Variants in LRFN5 observed in about 807,000 individuals in gnomAD.
LRFN5 encodes the protein leucine rich repeat and fibronectin type III domain containing 5, also known as leucine-rich repeat and fibronectin type-III domain-containing protein 5.
A neutral mutation model predicts 45.6 loss-of-function variants in LRFN5; 24 were observed. The observed-to-expected ratio is 0.53, with a 90% confidence interval of 0.38 to 0.74. The LOEUF is 0.74. LRFN5 is among the 30% of genes least tolerant of loss of function. LRFN5 has a pLI of 0.00. For missense variants in LRFN5, 776 were observed against 861.5 expected, an observed-to-expected ratio of 0.90 and a Z score of 1.24; for synonymous variants, 340 against 313.8, an observed-to-expected ratio of 1.08 and a Z score of -0.88.
chr14:41,783,576 A>G (rs7154936), intron 2 of LRFN5, among the ~76,000 whole-genome samples: 6,410 of 152,076 alleles, frequency 0.042, 450 homozygotes, highest in African/African-American at 0.15. Flanking sequence ...TTCAATTTTG[A>G]CTAATACGGC....
intron 1 of LRFN5, among the ~76,000 whole-genome samples, chr14:41,652,101 A>C (rs976121603): frequency 6.6e-6 from 1 of 152,132 alleles, no homozygotes; most frequent in African/African-American, 2.4e-5. Context: ...AGGGGAGCAC[A>C]AACAAATTGA....
intron 1 of LRFN5, among the ~76,000 whole-genome samples, chr14:41,728,353 CA>C (rs1216098624): frequency 1.3e-5 from 2 of 152,082 alleles, no homozygotes; most frequent in African/African-American, 2.4e-5. Context: ...AATTGCTCAG[CA>C]AAAAAGTTTA....
chr14:41,661,916 T>G (rs778270493), intron 1 of LRFN5, among the ~76,000 whole-genome samples: 12 of 152,084 alleles, frequency 7.9e-5, no homozygotes, highest in Non-Finnish European at 1.5e-4. Context: ...TACTTAGCAC[T>G]GATTAAAAGC....
At chr14:41,883,576 G>C (rs1222123097) in intron 2 of LRFN5, among the ~76,000 whole-genome samples, 1 of 152,058 alleles carries the variant, frequency 6.6e-6, no homozygotes, top group Non-Finnish European at 1.5e-5. Context: ...TCCTGCCTAG[G>C]TTGCTAGGTT....
chr14:41,660,798 T>C (rs1187019149), intron 1 of LRFN5, among the ~76,000 whole-genome samples: 2 of 147,282 alleles, frequency 1.4e-5, no homozygotes, highest in Non-Finnish European at 3.0e-5. Flanking sequence ...TGGATCACTC[T>C]CTTTAATATA....
intron 1 of LRFN5, among the ~76,000 whole-genome samples, chr14:41,685,848 A>T (rs978495328): frequency 6.6e-6 from 1 of 152,180 alleles, no homozygotes; most frequent in African/African-American, 2.4e-5. Context: ...TACCACTACC[A>T]TGCTGTCTTG....
chr14:41,627,463 G>T (rs1268826573), intron 1 of LRFN5, among the ~76,000 whole-genome samples: 5 of 151,936 alleles, frequency 3.3e-5, no homozygotes, highest in Admixed American at 1.3e-4. Context: ...ATTCCTCTAG[G>T]TATATTTTCC....
rs192421499 is a variant in LRFN5 at position 41,817,840 on chromosome 14, G to A, written c.-21+50811G>A. The stretch of plus-strand genomic sequence containing the variant: ...GTTTTTAACTCTCAAACTTCATGCT[G>A]AGCCTCCAGCAATTTATCAGTCATA... On this transcript the variant is annotated intron_variant, in intron 2 of 5. Coordinates refer to ENST00000298119, the MANE Select transcript of LRFN5 (RefSeq NM_152447.5). Among the ~76,000 whole-genome samples, 4 of 152,206 alleles carry A rather than the reference G, an allele frequency of 2.6e-5. No homozygotes were observed. The East Asian group carries it at 5.8e-4, about 22-fold the overall frequency.
intron 1 of LRFN5, among the ~76,000 whole-genome samples, chr14:41,722,269 A>G (rs979221885): frequency 4.6e-5 from 7 of 152,102 alleles, no homozygotes; most frequent in Admixed American, 4.6e-4. Flanking sequence ...CTGGATTGAT[A>G]TAGAAGTTTC....
intron 1 of LRFN5, among the ~76,000 whole-genome samples, chr14:41,698,108 C>CT (rs1297317966): frequency 6.6e-6 from 1 of 151,884 alleles, no homozygotes; most frequent in Non-Finnish European, 1.5e-5. Flanking sequence ...TAGATTTACA[C>CT]TTAGGTGCTG....
intron 4 of LRFN5, among the ~76,000 whole-genome samples, chr14:41,897,258 C>A (rs1289189408): frequency 2.0e-5 from 3 of 151,382 alleles, no homozygotes; most frequent in Non-Finnish European, 4.4e-5. Context: ...AGTAAATTAC[C>A]TCACTAAGGT....
chr14:41,774,437 G>C (rs2138899943), intron 2 of LRFN5, among the ~76,000 whole-genome samples: 2 of 152,222 alleles, frequency 1.3e-5, no homozygotes, highest in South Asian at 4.1e-4. Flanking sequence ...CTCTACAAAG[G>C]CTTCTTTTAG....
At chr14:41,658,636 A>T (rs1378358059) in intron 1 of LRFN5, among the ~76,000 whole-genome samples, 14 of 151,982 alleles carry the variant, frequency 9.2e-5, no homozygotes, top group Admixed American at 3.9e-4. Flanking sequence ...CAATTATCCT[A>T]TTAAAAGGTT....
At chr14:41,843,086 C>CTTTTTTTTTTTTTTTTTTTT (rs539151256) in intron 2 of LRFN5, among the ~76,000 whole-genome samples, 8 of 118,290 alleles carry the variant, frequency 6.8e-5, no homozygotes, top group Non-Finnish European at 9.1e-5. Flanking sequence ...TTTGTCTTTT[C>CTTTTTTTTTTTTTTTTTTTT]TTTTTTTTTT....
chr14:41,691,968 C>T (rs911314781), intron 1 of LRFN5, among the ~76,000 whole-genome samples: 2 of 151,944 alleles, frequency 1.3e-5, no homozygotes, highest in African/African-American at 4.8e-5. Flanking sequence ...TTTCTTTACC[C>T]ATTATTTTGT....
At chr14:41,818,867 A>G (rs573008365) in intron 2 of LRFN5, among the ~76,000 whole-genome samples, 1 of 152,078 alleles carries the variant, frequency 6.6e-6, no homozygotes, top group East Asian at 1.9e-4. Flanking sequence ...TCAGTAGATA[A>G]TTTCTCATCC....
intron 1 of LRFN5, among the ~76,000 whole-genome samples, chr14:41,726,303 C>A (rs184811138): frequency 6.6e-6 from 1 of 152,014 alleles, no homozygotes; most frequent in Non-Finnish European, 1.5e-5. Flanking sequence ...CTATAAACTG[C>A]GTTCATTTTT....
intron 1 of LRFN5, chr14:41,699,409 TC>T: frequency 6.6e-6 from 1 of 152,010 alleles, no homozygotes; most frequent in East Asian, 1.9e-4. Flanking sequence ...CTTATAAAAT[TC>T]AAATGAAAAT....
chr14:41,773,549 C>G (rs747057023), intron 2 of LRFN5, among the ~76,000 whole-genome samples: 1 of 152,120 alleles, frequency 6.6e-6, no homozygotes, highest in Non-Finnish European at 1.5e-5. Flanking sequence ...ATTTTCCTCT[C>G]TCTCTCTCTT....
Sources: allele counts gnomAD v4.1 joint callset (sites outside exome capture counted in the v4.1 genomes callset), GRCh38; gene constraint gnomAD v4.1.1; transcripts MANE v1.5; gene names NCBI Gene and HGNC (gene_info 2026-07-23, HGNC 2026-07-21).